The following SNX30 variants were observed in gnomAD, a reference collection of about 807,000 sequenced individuals.
SNX30 encodes the protein sorting nexin-30.
Under a neutral mutation model 46.4 loss-of-function variants are expected in SNX30, and 24 were observed. That is an observed-to-expected ratio of 0.52 (90% confidence interval 0.37 to 0.73). The LOEUF (loss-of-function observed/expected upper bound fraction) is 0.73, where lower values mean the gene tolerates loss of function less well. SNX30 is among the 30% of genes least tolerant of loss of function. The pLI, the probability that SNX30 is intolerant of heterozygous loss-of-function variation, is 0.00. For synonymous variants in SNX30, 189 were observed against 211.5 expected (o/e 0.89, Z 0.92); for missense variants, 533 against 555.7 (o/e 0.96, Z 0.41).
chr9:112,835,509 G>C (rs1330348030), intron 4 of SNX30, among the ~76,000 whole-genome samples: 2 of 151,168 alleles, frequency 1.3e-5, no homozygotes, highest in Non-Finnish European at 2.9e-5. Context: ...TAGAGACAGG[G>C]TTTCACCATG....
chr9:112,829,227 TTTTG>T (rs1159931781), intron 3 of SNX30, among the ~76,000 whole-genome samples: 9 of 152,206 alleles, frequency 5.9e-5, no homozygotes, highest in Admixed American at 1.3e-4. Flanking sequence ...GTGTACAAAA[TTTTG>T]TTTGGGCACC....
intron 2 of SNX30, among the ~76,000 whole-genome samples, chr9:112,810,406 G>A (rs1414832399): frequency 6.6e-6 from 1 of 152,162 alleles, no homozygotes; most frequent in African/African-American, 2.4e-5. Flanking sequence ...ATGGGCAGTG[G>A]GGAGGGAACA....
Position 112,773,720 on chromosome 9 carries a change from G to A in SNX30, c.156+22563G>A, listed in dbSNP as rs370224410. On this transcript the variant is annotated intron_variant, in intron 1 of 8. Coordinates refer to ENST00000374232, the MANE Select transcript of SNX30 (RefSeq NM_001012994.2). ...TCTGCAGAAAGAGTACATAAATTGT[G>A]GAGAAGAAAATCCTGAGTGAGCTAG... Among the ~76,000 whole-genome samples, 68 of 152,252 alleles carry A rather than the reference G, an allele frequency of 4.5e-4. 2 individuals carry two copies. In the South Asian group the frequency reaches 0.013, roughly 30 times the overall value.
intron 1 of SNX30, among the ~76,000 whole-genome samples, chr9:112,761,783 C>A (rs1839440746): frequency 6.6e-6 from 1 of 152,044 alleles, no homozygotes; most frequent in South Asian, 2.1e-4. Flanking sequence ...TGCCTGAAGG[C>A]CACTGTTGCA....
At chr9:112,788,050 G>A (rs905870902) in intron 1 of SNX30, among the ~76,000 whole-genome samples, 1 of 152,012 alleles carries the variant, frequency 6.6e-6, no homozygotes, top group Admixed American at 6.6e-5. Context: ...ATCCACCCAA[G>A]GCAAGGACAC....
At chr9:112,867,454 A>ACC (rs1841378914) in intron 8 of SNX30, among the ~76,000 whole-genome samples, 1 of 24,862 alleles carries the variant, frequency 4.0e-5, no homozygotes, top group African/African-American at 1.8e-4. Flanking sequence ...CTCCTCCTCC[A>ACC]TCCTCAGAAC....
chr9:112,817,398 T>G (rs1188349108), intron 2 of SNX30, among the ~76,000 whole-genome samples: 5 of 104,454 alleles, frequency 4.8e-5, no homozygotes, highest in Non-Finnish European at 8.1e-5. Flanking sequence ...AAAAAAAAAC[T>G]GGCTTTTTTT....
In SNX30 at chr9:112,840,611, G is replaced by A. The variant is rs183173166; in HGVS notation, c.1014+1914G>A. 9.2e-5 allele frequency among the ~76,000 whole-genome samples: 14 copies of A among 151,984 alleles called. No homozygotes were observed. In the East Asian group the frequency reaches 2.7e-3, roughly 29 times the overall value. On this transcript the variant is annotated intron_variant, in intron 6 of 8. Coordinates refer to ENST00000374232, the MANE Select transcript of SNX30 (RefSeq NM_001012994.2). ...AGTGATTCTCGTGCCTCAGCCTCCC[G>A]AGTAGCTGGGATTACAGGCACCCGC...
chr9:112,836,451 A>G, intron 5 of SNX30, 42 bp downstream of exon 5: 4 of 1,550,620 alleles, frequency 2.6e-6, no homozygotes, highest in South Asian at 1.2e-5. Flanking sequence ...CTGCAGCCAC[A>G]TTGGCAGAAA....
chr9:112,805,909 G>A (rs1840218100), intron 2 of SNX30, among the ~76,000 whole-genome samples: 1 of 152,198 alleles, frequency 6.6e-6, no homozygotes, highest in Non-Finnish European at 1.5e-5. Context: ...GGACTATACA[G>A]CCTATATTTT....
rs377593324 is a variant in SNX30 at position 112,838,574 on chromosome 9, C to T, written c.891C>T (p.Pro297=). 5 of 1,614,048 alleles carry T rather than the reference C, an allele frequency of 3.1e-6. No homozygotes were observed. The African/African-American group carries it at 5.3e-5, about 17-fold the overall frequency. The change falls in exon 6 of 9, where the codon CCC becomes CCT. Residue 297 remains proline (P), a synonymous_variant. Coordinates refer to ENST00000374232, the MANE Select transcript of SNX30 (RefSeq NM_001012994.2). ...WSALEGELAE[P]LEGVSACIGN... is the part of the protein sequence containing the mutation. ...CCTTGGAGGGTGAGCTGGCTGAACC[C>T]CTGGAGGGTGTGTCAGCTTGCATTG...
At chr9:112,853,790 G>T (rs1424766303) in intron 7 of SNX30, among the ~76,000 whole-genome samples, 1 of 152,248 alleles carries the variant, frequency 6.6e-6, no homozygotes. Flanking sequence ...CATGCAAAAT[G>T]TGGGTGGTGA....
At chr9:112,795,841 C>T (rs1176143844) in intron 1 of SNX30, among the ~76,000 whole-genome samples, 2 of 151,642 alleles carry the variant, frequency 1.3e-5, no homozygotes, top group Non-Finnish European at 2.9e-5. Flanking sequence ...TGGGGACTTA[C>T]AGTGTTTGTG....
chr9:112,858,497 A>AGCCT (rs1258951390), intron 7 of SNX30, among the ~76,000 whole-genome samples: 1 of 152,240 alleles, frequency 6.6e-6, no homozygotes, highest in Non-Finnish European at 1.5e-5. Flanking sequence ...CCTGGGAAAC[A>AGCCT]GAGCAAGACC....
At chr9:112,756,852 C>T (rs1234169795) in intron 1 of SNX30, among the ~76,000 whole-genome samples, 2 of 152,202 alleles carry the variant, frequency 1.3e-5, no homozygotes, top group Admixed American at 1.3e-4. Context: ...AATAGTGCCA[C>T]TGGATATTAT....
At chr9:112,839,839 T>C (rs1840827377) in intron 6 of SNX30, among the ~76,000 whole-genome samples, 2 of 152,196 alleles carry the variant, frequency 1.3e-5, no homozygotes, top group South Asian at 4.1e-4. Context: ...TCAGTCAACA[T>C]TGGGTTGTAA....
At chr9:112,884,415 C>A (rs1181072344), downstream of SNX30, among the ~76,000 whole-genome samples, 1 of 152,214 alleles carries the variant, frequency 6.6e-6, no homozygotes, top group African/African-American at 2.4e-5. Flanking sequence ...ACAGCCTTGG[C>A]CCCTCCTAGC....
intron 6 of SNX30, among the ~76,000 whole-genome samples, chr9:112,850,569 A>G (rs552408503): frequency 2.6e-4 from 39 of 152,212 alleles, no homozygotes; most frequent in Non-Finnish European, 3.8e-4. Context: ...GTGACAATGG[A>G]TGGGTGCTGT....
At chr9:112,884,171 T>C (rs1255384615), downstream of SNX30, among the ~76,000 whole-genome samples, 1 of 152,200 alleles carries the variant, frequency 6.6e-6, no homozygotes, top group African/African-American at 2.4e-5. Context: ...TCGGCTCACT[T>C]TGGTACCAGG....
Sources: allele counts gnomAD v4.1 joint callset (sites outside exome capture counted in the v4.1 genomes callset), GRCh38; gene constraint gnomAD v4.1.1; transcripts MANE v1.5; gene names NCBI Gene and HGNC (gene_info 2026-07-23, HGNC 2026-07-21).